Variants in SCRN3 observed in about 807,000 individuals in gnomAD.
The protein encoded by SCRN3 is secernin-3.
SCRN3 carries 39 observed loss-of-function variants against 43.1 expected under a neutral mutation model. The ratio of observed to expected loss-of-function variants is 0.91; its 90% CI spans 0.70 to 1.18. The LOEUF is 1.18. Ranked by LOEUF, SCRN3 falls within the 50% of genes most tolerant of loss-of-function variation. The pLI is 0.00. For missense variants in SCRN3, 484 were observed against 498.0 expected (o/e 0.97, Z 0.27); for synonymous variants, 147 against 163.1 (o/e 0.90, Z 0.75).
chr2:174,420,375 A>T (rs1686255913), intron 5 of SCRN3, among the ~76,000 whole-genome samples: 1 of 152,236 alleles, frequency 6.6e-6, no homozygotes, highest in Admixed American at 6.5e-5. Flanking sequence ...TCTGGTTGCC[A>T]AAAGAATATT....
At chr2:174,396,163 C>A in intron 1 of SCRN3, 1 of 825,506 alleles carries the variant, frequency 1.2e-6, no homozygotes, top group Non-Finnish European at 1.5e-6. Flanking sequence ...GAACTAAGAG[C>A]GCGTGAAATA....
Position 174,404,203 on chromosome 2 carries a change from T to C in SCRN3, c.642T>C (p.Asp214=), listed in dbSNP as rs1685601829. ...RNYAKRKGWW[D]GKKEFDFAAA... is the part of the protein sequence containing the mutation. ...ATGCTAAGCGGAAAGGTTGGTGGGATGGTAAAAAGGAGTTTGATTTTGCTG... is the reference window on the plus strand; with the variant it reads ...ATGCTAAGCGGAAAGGTTGGTGGGACGGTAAAAAGGAGTTTGATTTTGCTG... The change falls in exon 5 of 8, where the codon GAT becomes GAC. Residue 214 remains aspartate (D), a synonymous_variant. Transcript: ENST00000272732. The C allele has an allele frequency of 2.5e-6, 4 of 1,613,846 alleles. No individual in the cohort carries two copies. The highest frequency in any genetic ancestry group is 3.4e-6 in the Non-Finnish European group (4 of 1,179,850).
chr2:174,396,202 G>A (rs1685301220), intron 1 of SCRN3: 2 of 820,590 alleles, frequency 2.4e-6, no homozygotes, highest in Non-Finnish European at 1.5e-6. Flanking sequence ...CAAGAACGGA[G>A]GCCCTGTCTA....
Position 174,428,811 on chromosome 2 carries a change from A to T in SCRN3, c.*916A>T, listed in dbSNP as rs1686573378. On this transcript the variant is annotated 3_prime_UTR_variant, in exon 8 of 8. Transcript: ENST00000272732. ...AATAGCTTCCTAAAGTTTATAAAAC[A>T]TTGTTTAGGTTACATAAAGATTACC... is the stretch of plus-strand genomic sequence containing the variant. The T allele has an allele frequency of 6.6e-6, 1 of 152,222 alleles. No individual in the cohort carries two copies. The highest frequency in any genetic ancestry group is 2.4e-5 in the African/African-American group (1 of 41,458). The allele number at this position is 152,222 out of a possible 1,614,324, so 9.4% of individuals were successfully genotyped here.
chr2:174,416,507 C>G (rs1484025063), intron 5 of SCRN3, among the ~76,000 whole-genome samples: 1 of 152,272 alleles, frequency 6.6e-6, no homozygotes, highest in Middle Eastern at 3.4e-3. Flanking sequence ...ACCTAACCAT[C>G]CCAGAGGGAT....
chr2:174,411,776 G>A (rs1340059376), intron 5 of SCRN3, among the ~76,000 whole-genome samples: 1 of 151,982 alleles, frequency 6.6e-6, no homozygotes, highest in African/African-American at 2.4e-5. Flanking sequence ...ACAAAAATTA[G>A]CCAGGTATGG....
intron 5 of SCRN3, among the ~76,000 whole-genome samples, chr2:174,420,671 G>A (rs576374919): frequency 6.6e-6 from 1 of 152,232 alleles, no homozygotes; most frequent in South Asian, 2.1e-4. Flanking sequence ...AATTATAACT[G>A]AAATTAAGAA....
At chr2:174,401,253 G>T (rs1398887383) in intron 4 of SCRN3, 64 bp downstream of exon 4, 2 of 1,218,258 alleles carry the variant, frequency 1.6e-6, no homozygotes, top group Non-Finnish European at 1.2e-6. Context: ...CTTACCTATA[G>T]ATATTGCATT....
In SCRN3 at chr2:174,424,463, T is replaced by A; in HGVS notation, c.918-12T>A. ...ATTGACATGATAATTTAATAAAGAC[T>A]CTTTTTTCTAGATCTGTTTTTAAGC... is the stretch of plus-strand genomic sequence containing the variant. On this transcript the variant is annotated splice_polypyrimidine_tract_variant and intron_variant, in intron 6 of 7. Transcript: ENST00000272732. 6.5e-7 allele frequency: 1 copy of A among 1,544,810 alleles called. No individual in the cohort carries two copies. Among genetic ancestry groups the A allele is most frequent in the Admixed American group, 1.8e-5 (1 of 54,600 alleles).
chr2:174,419,696 T>TTTG (rs1185806030), intron 5 of SCRN3, among the ~76,000 whole-genome samples: 2 of 152,130 alleles, frequency 1.3e-5, no homozygotes, highest in Non-Finnish European at 2.9e-5. Context: ...GCCTGTGTTT[T>TTTG]TTGTTGTTGT....
intron 1 of SCRN3, 170 bp downstream of exon 1, chr2:174,395,987 A>C: frequency 1.5e-6 from 2 of 1,374,076 alleles, no homozygotes. Flanking sequence ...CCTTCGACCA[A>C]AGGTGCTTGA....
At chr2:174,429,761 T>C (rs1438142491), downstream of SCRN3, among the ~76,000 whole-genome samples, 2 of 152,196 alleles carry the variant, frequency 1.3e-5, no homozygotes, top group Non-Finnish European at 2.9e-5. Flanking sequence ...CTAAAAATCT[T>C]CTGTGTTCTG....
intron 5 of SCRN3, among the ~76,000 whole-genome samples, chr2:174,411,778 C>A (rs949720762): frequency 6.6e-6 from 1 of 151,950 alleles, no homozygotes; most frequent in Non-Finnish European, 1.5e-5. Flanking sequence ...AAAAATTAGC[C>A]AGGTATGGTG....
chr2:174,415,754 C>A (rs375702652), intron 5 of SCRN3, among the ~76,000 whole-genome samples: 1 of 152,272 alleles, frequency 6.6e-6, no homozygotes, highest in Non-Finnish European at 1.5e-5. Flanking sequence ...AAGCTATTCT[C>A]GTGCCTCAAC....
rs1234890985 is a variant in SCRN3, at chr2:174,406,159, G to C, written c.754+1844G>C. Among the ~76,000 whole-genome samples the C allele has an allele frequency of 2.2e-5, 3 of 136,758 alleles. No homozygotes were observed. In the South Asian group the frequency reaches 6.9e-4, roughly 32 times the overall value. The allele number at this position is 136,758 out of a possible 152,430, so 89.7% of individuals were successfully genotyped here. On this transcript the variant is annotated intron_variant, in intron 5 of 7. Coordinates refer to ENST00000272732, the MANE Select transcript of SCRN3 (RefSeq NM_024583.5). ...TGAGCAGTGGTTTGTAGTTCTCCTT[G>C]AAGAGGTCCTTCACATCCCTTGTAA...
chr2:174,423,098 A>T, intron 6 of SCRN3, 51 bp downstream of exon 6: 1 of 1,422,440 alleles, frequency 7.0e-7, no homozygotes, highest in African/African-American at 1.4e-5. Flanking sequence ...GATGGAGTAG[A>T]GTCATTAGTA....
rs371143910 is a variant in SCRN3, at chr2:174,409,249, G to A, written c.754+4934G>A. On this transcript the variant is annotated intron_variant, in intron 5 of 7. Coordinates refer to ENST00000272732, the MANE Select transcript of SCRN3 (RefSeq NM_024583.5). ...GATACCCTTTCTTCCAGTTGATCGC[G>A]TCGGCTCCTGAGGCTTCTGCATTCT... Among the ~76,000 whole-genome samples, 900 of 113,556 alleles carry A rather than the reference G, an allele frequency of 7.9e-3. 2 individuals are homozygous for A. The highest frequency in any genetic ancestry group is 0.011 in the Non-Finnish European group (510 of 47,226). 74.5% of individuals were successfully genotyped at this position (113,556 alleles called of 152,430 possible). A position where few individuals can be genotyped will look rare whatever the true frequency, so the allele number is the denominator to read the frequency against.
At position 174,419,842 on chromosome 2, in the gene SCRN3, G is replaced by A. The variant is rs183358061; in HGVS notation, c.755-3043G>A. On this transcript the variant is annotated intron_variant, in intron 5 of 7. Transcript: ENST00000272732. ...AAATGGGAGGCATAATAGTGCAGTGGAGTGGTTAAAAAGCACAGGGCTGGT... is the reference window on the plus strand; with the variant it reads ...AAATGGGAGGCATAATAGTGCAGTGAAGTGGTTAAAAAGCACAGGGCTGGT... 4.0e-3 allele frequency among the ~76,000 whole-genome samples: 603 copies of A among 152,246 alleles called. 3 individuals are homozygous for A. The highest frequency in any genetic ancestry group is 6.5e-3 in the Non-Finnish European group (442 of 68,018).
intron 6 of SCRN3, 93 bp from the exon 7 acceptor site, chr2:174,424,382 A>G: frequency 1.1e-6 from 1 of 915,988 alleles, no homozygotes; most frequent in Non-Finnish European, 1.6e-6. Flanking sequence ...CATTAACAGA[A>G]ACTTCTAATT....
Sources: gnomAD v4.1 joint callset for allele counts (sites outside exome capture counted in the v4.1 genomes callset) on GRCh38, gnomAD v4.1.1 for gene constraint, MANE v1.5 for transcripts, NCBI Gene and HGNC (gene_info 2026-07-23, HGNC 2026-07-21) for gene names.